WNT3: variants seen among roughly 807,000 people sequenced by gnomAD.
WNT3 encodes proto-oncogene Wnt-3.
In WNT3, 7 loss-of-function variants were observed where a neutral mutation model predicts 34.2. That is an observed-to-expected ratio of 0.20 (90% CI 0.12 to 0.38). WNT3 has a LOEUF of 0.38. Ranked by LOEUF, WNT3 falls within the 10% of genes least tolerant of loss-of-function variation. The pLI, the probability that WNT3 is intolerant of heterozygous loss-of-function variation, is 1.00. For missense variants in WNT3, 267 were observed against 499.8 expected (o/e 0.53, Z 4.44); for synonymous variants, 212 against 211.5 (o/e 1.00, Z -0.02).
At chr17:46,801,355 C>G (rs968221982) in intron 1 of WNT3, among the ~76,000 whole-genome samples, 1 of 152,220 alleles carries the variant, frequency 6.6e-6, no homozygotes, top group Non-Finnish European at 1.5e-5. Flanking sequence ...CACGGTGGCT[C>G]ACGCCTGTAA....
At chr17:46,816,369 C>T (rs994924158) in intron 1 of WNT3, among the ~76,000 whole-genome samples, 7 of 152,038 alleles carry the variant, frequency 4.6e-5, no homozygotes, top group South Asian at 2.1e-4. Context: ...CACGCCCACA[C>T]GATTTCACAT....
Position 46,790,285 on chromosome 17 carries a change from G to A in WNT3, c.81-16376C>T, listed in dbSNP as rs150630796. On this transcript the variant is annotated intron_variant, in intron 1 of 4. Transcript: ENST00000225512. ...GAATCTGGGTTCATTACAGACCCAC[G>A]CAGGACTTCATTACACATTCCAGCA... is the stretch of plus-strand genomic sequence containing the variant. Among the ~76,000 whole-genome samples, 23 of 152,210 alleles carry A rather than the reference G, an allele frequency of 1.5e-4. No individual in the cohort carries two copies. In the East Asian group the frequency reaches 4.2e-3, roughly 28 times the overall value.
In WNT3 at chr17:46,797,186, G is replaced by A. The variant is rs560681096; in HGVS notation, c.80+21332C>T. Among the ~76,000 whole-genome samples the A allele has an allele frequency of 3.3e-5, 5 of 152,310 alleles. No individual in the cohort carries two copies. The East Asian group carries it at 9.6e-4, about 29-fold the overall frequency. On this transcript the variant is annotated intron_variant, in intron 1 of 4. Transcript: ENST00000225512. ...CCAAGTTGCCTGTGGCGATTCTTAA[G>A]TTTATTTGACTCCAGAAGCCTTTCT...
intron 3 of WNT3, among the ~76,000 whole-genome samples, chr17:46,769,410 C>T (rs1173160508): frequency 1.3e-5 from 2 of 152,118 alleles, no homozygotes; most frequent in African/African-American, 4.8e-5. Flanking sequence ...CTTAACGTGA[C>T]TCACCCTAGA....
At chr17:46,810,215 C>T (rs1423592627) in intron 1 of WNT3, among the ~76,000 whole-genome samples, 1 of 152,000 alleles carries the variant, frequency 6.6e-6, no homozygotes, top group Non-Finnish European at 1.5e-5. Context: ...ACCATGTTGG[C>T]CAAGCAGGCC....
At chr17:46,816,935 G>A (rs1286009737) in intron 1 of WNT3, among the ~76,000 whole-genome samples, 1 of 152,216 alleles carries the variant, frequency 6.6e-6, no homozygotes, top group East Asian at 1.9e-4. Flanking sequence ...CAGACTGGCC[G>A]AACCTCCTTC....
chr17:46,785,939 G>A (rs918168123), intron 1 of WNT3, among the ~76,000 whole-genome samples: 4 of 152,226 alleles, frequency 2.6e-5, no homozygotes, highest in African/African-American at 4.8e-5. Flanking sequence ...GCCTGCCTGC[G>A]GCTCTGGCTG....
chr17:46,816,983 C>T (rs1320379158), intron 1 of WNT3, among the ~76,000 whole-genome samples: 1 of 152,220 alleles, frequency 6.6e-6, no homozygotes, highest in Non-Finnish European at 1.5e-5. Flanking sequence ...CCATGGACTT[C>T]TTTATGTGCT....
At chr17:46,814,392 C>G (rs990652318) in intron 1 of WNT3, among the ~76,000 whole-genome samples, 8 of 152,190 alleles carry the variant, frequency 5.3e-5, no homozygotes, top group Non-Finnish European at 8.8e-5. Flanking sequence ...ACCAACAGAT[C>G]GGCCACCAAT....
Position 46,773,726 on chromosome 17 carries a change from G to A in WNT3, c.264C>T (p.Arg88=). 1 of 1,610,030 alleles carries A rather than the reference G, an allele frequency of 6.2e-7. No individual in the cohort carries two copies. Among genetic ancestry groups the A allele is most frequent in the Non-Finnish European group, 8.5e-7 (1 of 1,178,838 alleles). ...TGTCATCTATGGTGGTGCAGTTCCA[G>A]CGGCGGCCCCGGAACTGGTGCTGGC... The part of the protein sequence containing the change: ...QECQHQFRGR[R]WNCTTIDDSL... Residue 88 remains arginine (R), a synonymous_variant, in exon 2 of 5, where the codon CGC becomes CGT. Transcript: ENST00000225512.
intron 1 of WNT3, among the ~76,000 whole-genome samples, chr17:46,777,201 C>T (rs796894414): frequency 4.6e-5 from 7 of 152,074 alleles, no homozygotes; most frequent in African/African-American, 1.7e-4. Context: ...CAGAGCGAGA[C>T]TTCGTCTCAA....
intron 1 of WNT3, among the ~76,000 whole-genome samples, chr17:46,781,227 C>G (rs908533050): frequency 5.4e-5 from 3 of 55,386 alleles, no homozygotes; most frequent in Admixed American, 1.8e-4. Flanking sequence ...CTCTGTCCCC[C>G]CAACCAAAAA....
intron 1 of WNT3, among the ~76,000 whole-genome samples, chr17:46,790,773 T>C (rs1327932828): frequency 6.6e-6 from 1 of 152,226 alleles, no homozygotes; most frequent in African/African-American, 2.4e-5. Context: ...GAAGAAGCAT[T>C]TGGGCACGCC....
chr17:46,818,586 G>A lies in WNT3; in HGVS notation c.12C>T (p.His4=), dbSNP rs1331853819. Reference sequence around the variant, plus strand: ...GGAGGCCGAGGAGCAGCCCGAGCAGGTGGGGCTCCATTAGAAGAGGCGCCG... The same window carrying A: ...GGAGGCCGAGGAGCAGCCCGAGCAGATGGGGCTCCATTAGAAGAGGCGCCG... The part of the protein sequence containing the change: MEP[H]LLGLLLGLLL... The change falls in exon 1 of 5, where the codon CAC becomes CAT. Residue 4 remains histidine (H), a synonymous_variant. Transcript: ENST00000225512. The A allele has an allele frequency of 1.9e-6, 3 of 1,602,186 alleles. No individual in the cohort carries two copies. Among genetic ancestry groups the A allele is most frequent in the Non-Finnish European group, 2.6e-6 (3 of 1,175,136 alleles).
At chr17:46,777,166 T>C (rs2059419226) in intron 1 of WNT3, among the ~76,000 whole-genome samples, 1 of 151,962 alleles carries the variant, frequency 6.6e-6, no homozygotes, top group African/African-American at 2.4e-5. Flanking sequence ...GCCAAGATCA[T>C]GCCGCTGCAC....
chr17:46,770,468 T>A (rs199525), intron 2 of WNT3, among the ~76,000 whole-genome samples: 1 of 151,958 alleles, frequency 6.6e-6, no homozygotes, highest in African/African-American at 2.4e-5. Context: ...CTGAGTGAGA[T>A]CCAGGTCTGT....
At chr17:46,769,235 G>A (rs571072341) in intron 3 of WNT3, among the ~76,000 whole-genome samples, 1 of 150,086 alleles carries the variant, frequency 6.7e-6, no homozygotes, top group East Asian at 2.0e-4. Flanking sequence ...AGAATTGCTT[G>A]AACTCGGGAG....
chr17:46,777,848 C>G (rs912480341), intron 1 of WNT3, among the ~76,000 whole-genome samples: 13 of 152,194 alleles, frequency 8.5e-5, no homozygotes, highest in African/African-American at 2.9e-4. Flanking sequence ...AGAACAATTC[C>G]TGAGCCTCAG....
chr17:46,815,929 G>A (rs1392434962), intron 1 of WNT3, among the ~76,000 whole-genome samples: 2 of 152,072 alleles, frequency 1.3e-5, no homozygotes, highest in Admixed American at 1.3e-4. Context: ...ACACAGCCCT[G>A]GGCCCAGCAC....
Sources: gnomAD v4.1 joint callset for allele counts (sites outside exome capture counted in the v4.1 genomes callset) on GRCh38, gnomAD v4.1.1 for gene constraint, MANE v1.5 for transcripts, NCBI Gene and HGNC (gene_info 2026-07-23, HGNC 2026-07-21) for gene names.